Variants in WWP2 observed in about 807,000 individuals in gnomAD.
WWP2 encodes NEDD4-like E3 ubiquitin-protein ligase WWP2.
A neutral mutation model predicts 121.0 loss-of-function variants in WWP2; 57 were observed. The observed-to-expected ratio is 0.47, with a 90% CI of 0.38 to 0.59. The LOEUF is 0.59. WWP2 is among the 20% of genes least tolerant of loss of function. WWP2 has a pLI of 0.00. For synonymous variants in WWP2, 449 were observed against 441.3 expected, an observed-to-expected ratio of 1.02 and a Z score of -0.22; for missense variants, 962 against 1,158.9, an observed-to-expected ratio of 0.83 and a Z score of 2.47.
Position 69,826,363 on chromosome 16 carries a change from C to T in WWP2, c.341-13763C>T, listed in dbSNP as rs368360405. On this transcript the variant is annotated intron_variant, in intron 4 of 23. Transcript: ENST00000359154. Reference sequence around the variant, plus strand: ...CAGGCAGATCACAAGGCCAGGAGTACGAGACCAGCTTGGCCAACATAGTGA... The same window carrying T: ...CAGGCAGATCACAAGGCCAGGAGTATGAGACCAGCTTGGCCAACATAGTGA... Among the ~76,000 whole-genome samples, 35 of 150,372 alleles carry T rather than the reference C, an allele frequency of 2.3e-4. 1 individual carries two copies. Among genetic ancestry groups the T allele is most frequent in the African/African-American group, 5.4e-4 (22 of 40,808 alleles).
At chr16:69,796,162 G>A (rs375342690) in intron 2 of WWP2, among the ~76,000 whole-genome samples, 1 of 152,072 alleles carries the variant, frequency 6.6e-6, no homozygotes, top group Non-Finnish European at 1.5e-5. Context: ...AAATGTGTTT[G>A]TTGGGAAATA....
At chr16:69,796,820 C>A (rs1364072760) in intron 2 of WWP2, among the ~76,000 whole-genome samples, 2 of 152,206 alleles carry the variant, frequency 1.3e-5, no homozygotes, top group African/African-American at 2.4e-5. Flanking sequence ...TTAGCCACAG[C>A]TGATTTTTTA....
Position 69,939,967 on chromosome 16 carries a change from A to G in WWP2, c.*27A>G, listed in dbSNP as rs550004825. 3 of 1,592,434 alleles carry G rather than the reference A, an allele frequency of 1.9e-6. No homozygotes were observed. The highest frequency in any genetic ancestry group is 2.6e-6 in the Non-Finnish European group (3 of 1,165,022). Reference sequence around the variant, plus strand: ...CGAGGCCGCCCCTCCCACGCCCCCCAGCGCACATGTAGTCCTGAGTCCTCC... The same window carrying G: ...CGAGGCCGCCCCTCCCACGCCCCCCGGCGCACATGTAGTCCTGAGTCCTCC... On this transcript the variant is annotated 3_prime_UTR_variant, in exon 24 of 24. Transcript: ENST00000359154.
chr16:69,860,090 C>G (rs889815217), intron 6 of WWP2, among the ~76,000 whole-genome samples: 1 of 151,980 alleles, frequency 6.6e-6, no homozygotes, highest in Non-Finnish European at 1.5e-5. Flanking sequence ...AATCCCAGCA[C>G]TTTGGGAGGC....
intron 6 of WWP2, among the ~76,000 whole-genome samples, chr16:69,867,298 A>T (rs2057544228): frequency 6.6e-6 from 1 of 152,150 alleles, no homozygotes; most frequent in Admixed American, 6.6e-5. Context: ...GCTTCCCCAA[A>T]GCAGCATTGT....
chr16:69,888,880 AT>A (rs2057976156), intron 8 of WWP2, among the ~76,000 whole-genome samples: 1 of 151,934 alleles, frequency 6.6e-6, no homozygotes. Context: ...ATTTTTTTGT[AT>A]TTTTAGTAGA....
At chr16:69,897,856 C>T (rs533693300) in intron 8 of WWP2, among the ~76,000 whole-genome samples, 17 of 150,994 alleles carry the variant, frequency 1.1e-4, no homozygotes, top group African/African-American at 2.2e-4. Context: ...TACAGTGAGC[C>T]GAGATCGTAC....
At chr16:69,909,151 G>T in intron 9 of WWP2, 1 of 1,064,318 alleles carries the variant, frequency 9.4e-7, no homozygotes, top group Non-Finnish European at 1.1e-6. Flanking sequence ...TTCTTATTCG[G>T]CAGGGCTTCG....
chr16:69,767,048 T>TC (rs1190454228), intron 1 of WWP2, among the ~76,000 whole-genome samples: 1 of 151,744 alleles, frequency 6.6e-6, no homozygotes, highest in Non-Finnish European at 1.5e-5. Context: ...TTTTTTTTTT[T>TC]TTAATCTTTT....
At chr16:69,897,913 A>G (rs1470485108) in intron 8 of WWP2, among the ~76,000 whole-genome samples, 1 of 141,172 alleles carries the variant, frequency 7.1e-6, no homozygotes, top group Non-Finnish European at 1.5e-5. Context: ...ATCTCAAAAC[A>G]ACAAAACAAA....
At position 69,840,110 on chromosome 16, in the gene WWP2, C is replaced by A; in HGVS notation, c.341-16C>A. On this transcript the variant is annotated splice_polypyrimidine_tract_variant and intron_variant, in intron 4 of 23. Coordinates refer to ENST00000359154, the MANE Select transcript of WWP2 (RefSeq NM_001270454.2). ...ATTCTCTTTAGCCCATCCATGTTGC[C>A]TTTTGTACCCCACAGTGGAGAACAT... 1 of 1,614,122 alleles carries A rather than the reference C, an allele frequency of 6.2e-7. No homozygotes were observed. The highest frequency in any genetic ancestry group is 8.5e-7 in the Non-Finnish European group (1 of 1,179,966).
intron 8 of WWP2, among the ~76,000 whole-genome samples, chr16:69,891,876 A>C (rs1213568013): frequency 6.6e-6 from 1 of 152,116 alleles, no homozygotes; most frequent in Non-Finnish European, 1.5e-5. Context: ...CAAGTCATAC[A>C]TCTTTCCCCT....
chr16:69,928,238 G>T (rs1350388806), intron 11 of WWP2, among the ~76,000 whole-genome samples: 2 of 152,160 alleles, frequency 1.3e-5, no homozygotes, highest in Non-Finnish European at 2.9e-5. Flanking sequence ...ATGCTGCCCT[G>T]TCTTGTAAAA....
intron 7 of WWP2, among the ~76,000 whole-genome samples, chr16:69,880,291 T>A (rs2057803919): frequency 6.6e-6 from 1 of 152,096 alleles, no homozygotes; most frequent in Non-Finnish European, 1.5e-5. Context: ...TTAGTGTTGA[T>A]CACTTTTAAC....
At chr16:69,786,748 G>C (rs755147228) in intron 1 of WWP2, among the ~76,000 whole-genome samples, 1 of 152,098 alleles carries the variant, frequency 6.6e-6, no homozygotes, top group African/African-American at 2.4e-5. Context: ...ACCATGCCTG[G>C]CAGAGGTGTC....
rs367985081 is a variant in WWP2 at position 69,940,904 on chromosome 16, A to G, written c.*964A>G. 6 of 153,696 alleles carry G rather than the reference A, an allele frequency of 3.9e-5. No homozygotes were observed. Among genetic ancestry groups the G allele is most frequent in the Admixed American group, 6.5e-5 (1 of 15,288 alleles). The allele number at this position is 153,696 out of a possible 1,614,324, so 9.5% of individuals were successfully genotyped here. A position where few individuals can be genotyped will look rare whatever the true frequency, so the allele number is the denominator to read the frequency against. Reference sequence around the variant, plus strand: ...GCCACTCCTAGCCTTGCCGCCTTCAATAGAGAAGAAATCCCTTTGCTAGAT... The same window carrying G: ...GCCACTCCTAGCCTTGCCGCCTTCAGTAGAGAAGAAATCCCTTTGCTAGAT... On this transcript the variant is annotated 3_prime_UTR_variant, in exon 24 of 24. Coordinates refer to ENST00000359154, the MANE Select transcript of WWP2 (RefSeq NM_001270454.2).
chr16:69,930,095 G>T (rs1314862859), intron 12 of WWP2, 35 bp from the exon 13 acceptor site: 8 of 1,613,482 alleles, frequency 5.0e-6, no homozygotes, highest in Non-Finnish European at 6.8e-6. Flanking sequence ...AGAAGGTGGG[G>T]CCAGCCCTTC....
At chr16:69,778,432 A>G (rs1455758772) in intron 1 of WWP2, among the ~76,000 whole-genome samples, 1 of 151,964 alleles carries the variant, frequency 6.6e-6, no homozygotes, top group East Asian at 1.9e-4. Flanking sequence ...GGCTATTAGC[A>G]GGGGAGAAAT....
intron 4 of WWP2, among the ~76,000 whole-genome samples, chr16:69,819,024 A>G (rs1041081931): frequency 2.0e-5 from 3 of 152,134 alleles, no homozygotes; most frequent in Admixed American, 6.5e-5. Flanking sequence ...AGCAGTGACA[A>G]TTCTGTGTCA....
Sources: gnomAD v4.1 joint callset for allele counts (sites outside exome capture counted in the v4.1 genomes callset) on GRCh38, gnomAD v4.1.1 for gene constraint, MANE v1.5 for transcripts, NCBI Gene and HGNC (gene_info 2026-07-23, HGNC 2026-07-21) for gene names.